The following ERI3 variants were observed in gnomAD, a reference collection of about 807,000 sequenced individuals.
ERI3 encodes the protein ERI1 exoribonuclease family member 3, also known as ERI1 exoribonuclease 3.
In ERI3, 18 loss-of-function variants were observed where a neutral mutation model predicts 44.4. The observed-to-expected ratio is 0.41, with a 90% CI of 0.28 to 0.60. ERI3 has a LOEUF of 0.60. Ranked by LOEUF, ERI3 falls within the 20% of genes least tolerant of loss-of-function variation. The probability of loss-of-function intolerance (pLI) is 0.36; values close to 1 mark genes in which losing one functional copy is unlikely to be tolerated. For missense variants in ERI3, 294 were observed against 435.5 expected, an observed-to-expected ratio of 0.68 and a Z score of 2.89; for synonymous variants, 183 against 164.8, an observed-to-expected ratio of 1.11 and a Z score of -0.84.
At chr1:44,301,067 A>C (rs1226994660) in intron 6 of ERI3, among the ~76,000 whole-genome samples, 1 of 138,058 alleles carries the variant, frequency 7.2e-6, no homozygotes, top group East Asian at 2.3e-4. Flanking sequence ...GATGGGAGGG[A>C]GGGGAGGGGC....
At chr1:44,248,971 C>T (rs1175412080) in intron 7 of ERI3, among the ~76,000 whole-genome samples, 2 of 152,120 alleles carry the variant, frequency 1.3e-5, no homozygotes, top group East Asian at 1.9e-4. Context: ...CCTTCCCTTA[C>T]AGTCCCTTTT....
chr1:44,339,159 G>A lies in ERI3; in HGVS notation c.375C>T (p.Ala125=). 1 of 1,613,982 alleles carries A rather than the reference G, an allele frequency of 6.2e-7. No individual in the cohort carries two copies. Among genetic ancestry groups the A allele is most frequent in the Non-Finnish European group, 8.5e-7 (1 of 1,179,992 alleles). The change falls in exon 3 of 9, where the codon GCC becomes GCT. Residue 125 remains alanine (A), a synonymous_variant. Transcript: ENST00000372257. ...CCGCCATGGATGCGCCAAAGCCGTGGGCCGCCAGCTTTCTGGTGGATATGG... is the reference window on the plus strand; with the variant it reads ...CCGCCATGGATGCGCCAAAGCCGTGAGCCGCCAGCTTTCTGGTGGATATGG... ...FCSISTRKLA[A]HGFGASMAAM... is the part of the protein sequence containing the mutation.
At position 44,326,175 on chromosome 1, in the gene ERI3, G is replaced by A. The variant is rs146214624; in HGVS notation, c.490-6431C>T. On this transcript the variant is annotated intron_variant, in intron 3 of 8. Transcript: ENST00000372257. ...TCCAAAAAGTGTGTGTCCCTGCACT[G>A]AAAGGTTTGATAAAATCTAAAAGCA... 1.5e-3 allele frequency among the ~76,000 whole-genome samples: 225 copies of A among 152,322 alleles called. 4 individuals are homozygous for A. In the East Asian group the frequency reaches 0.034, roughly 23 times the overall value.
intron 6 of ERI3, among the ~76,000 whole-genome samples, chr1:44,291,267 T>G (rs548757347): frequency 6.6e-6 from 1 of 152,312 alleles, no homozygotes; most frequent in African/African-American, 2.4e-5. Flanking sequence ...TATAAAAAAT[T>G]AATGCATGAG....
intron 7 of ERI3, among the ~76,000 whole-genome samples, chr1:44,251,346 C>T (rs373149517): frequency 2.0e-5 from 3 of 152,246 alleles, no homozygotes; most frequent in East Asian, 3.9e-4. Flanking sequence ...TGCCACACTT[C>T]CATTACTTGC....
intron 7 of ERI3, among the ~76,000 whole-genome samples, chr1:44,273,112 T>C (rs1645119670): frequency 6.6e-6 from 1 of 152,168 alleles, no homozygotes; most frequent in Non-Finnish European, 1.5e-5. Context: ...TCCTGATTCT[T>C]GGTTACAAAC....
rs774928844 is a variant in ERI3, at chr1:44,355,055, G to A, written c.-29C>T. ...AACGCCCCCTCCTCGGGGCCAGCGC[G>A]GCAGGCTCCCTCCAGGTGCAGGCCC... is the stretch of plus-strand genomic sequence containing the variant. On this transcript the variant is annotated 5_prime_UTR_variant, in exon 1 of 9. Transcript: ENST00000372257. 2.6e-5 allele frequency: 35 copies of A among 1,355,244 alleles called. No individual in the cohort carries two copies. The highest frequency in any genetic ancestry group is 3.5e-5 in the Admixed American group (1 of 28,770). 84.0% of individuals were successfully genotyped at this position (1,355,244 alleles called of 1,614,324 possible). A position where few individuals can be genotyped will look rare whatever the true frequency, so the allele number is the denominator to read the frequency against.
intron 6 of ERI3, among the ~76,000 whole-genome samples, chr1:44,285,109 C>G (rs920648417): frequency 2.0e-5 from 3 of 152,230 alleles, no homozygotes; most frequent in African/African-American, 7.2e-5. Context: ...GCCCTCAGAT[C>G]CAAGTGTGAG....
rs1368335140 is a variant in ERI3, at chr1:44,338,903, C to G, written c.489+142G>C. ...TACACTAGCATACCTGAAACAAGTC[C>G]TGCTTCCTAGACAGGAACTCTAAAT... is the stretch of plus-strand genomic sequence containing the variant. On this transcript the variant is annotated intron_variant, in intron 3 of 8. Coordinates refer to ENST00000372257, the MANE Select transcript of ERI3 (RefSeq NM_024066.3). The G allele has an allele frequency of 2.9e-6, 3 of 1,050,122 alleles. No homozygotes were observed. The East Asian group carries it at 7.2e-5, about 25-fold the overall frequency. The allele number at this position is 1,050,122 out of a possible 1,614,324, so 65.1% of individuals were successfully genotyped here. A position where few individuals can be genotyped will look rare whatever the true frequency, so the allele number is the denominator to read the frequency against.
intron 2 of ERI3, among the ~76,000 whole-genome samples, chr1:44,341,142 T>TTAA (rs1646644992): frequency 6.6e-6 from 1 of 152,218 alleles, no homozygotes; most frequent in South Asian, 2.1e-4. Context: ...CTATAAGCAA[T>TTAA]TAAGCATGAT....
At chr1:44,310,415 A>C (rs570260934) in intron 5 of ERI3, among the ~76,000 whole-genome samples, 1 of 152,186 alleles carries the variant, frequency 6.6e-6, no homozygotes, top group African/African-American at 2.4e-5. Context: ...ACTCTGTCTT[A>C]CTCACTGCCT....
rs180935764 is a variant in ERI3, at chr1:44,354,427, T to C, written c.135+465A>G. 2.7e-3 allele frequency: 2,629 copies of C among 985,416 alleles called. 9 individuals are homozygous for C. Among genetic ancestry groups the C allele is most frequent in the Non-Finnish European group, 3.0e-3 (2,510 of 829,930 alleles). 61.0% of individuals were successfully genotyped at this position (985,416 alleles called of 1,614,324 possible). On this transcript the variant is annotated intron_variant, in intron 1 of 8. Transcript: ENST00000372257. ...GCAGTCAAGCCTCAATCCAAGTTCA[T>C]GCTTTTTTTAAGAAAACACCTGTTG...
chr1:44,312,980 C>T lies in ERI3; in HGVS notation c.666+189G>A, dbSNP rs115657002. Among the ~76,000 whole-genome samples, 1,154 of 152,302 alleles carry T rather than the reference C, an allele frequency of 7.6e-3. 9 individuals are homozygous for T. Among genetic ancestry groups the T allele is most frequent in the African/African-American group, 0.026 (1,066 of 41,554 alleles). On this transcript the variant is annotated intron_variant, in intron 5 of 8. Coordinates refer to ENST00000372257, the MANE Select transcript of ERI3 (RefSeq NM_024066.3). ...TGGGACATCTTGTCAGAAACCCTGA[C>T]GGGAACAGCTGGAGATGACAGATCA...
intron 7 of ERI3, among the ~76,000 whole-genome samples, chr1:44,277,550 T>A (rs900530191): frequency 1.3e-5 from 2 of 152,236 alleles, no homozygotes; most frequent in Admixed American, 6.5e-5. Flanking sequence ...GTTCCTATCA[T>A]GCCACTCAGG....
intron 7 of ERI3, among the ~76,000 whole-genome samples, chr1:44,253,653 G>C (rs1644726307): frequency 6.6e-6 from 1 of 152,166 alleles, no homozygotes; most frequent in African/African-American, 2.4e-5. Context: ...AAAATGCTTA[G>C]GCAGCTTCCA....
intron 7 of ERI3, among the ~76,000 whole-genome samples, chr1:44,269,979 C>T (rs1343509215): frequency 6.6e-6 from 1 of 152,198 alleles, no homozygotes; most frequent in Non-Finnish European, 1.5e-5. Context: ...TCTATTATTA[C>T]TGATAAACAT....
intron 8 of ERI3, among the ~76,000 whole-genome samples, chr1:44,227,073 A>C (rs1011291511): frequency 6.6e-6 from 1 of 152,160 alleles, no homozygotes; most frequent in Non-Finnish European, 1.5e-5. Flanking sequence ...TGATCAAAGA[A>C]GCCAATCAAA....
intron 8 of ERI3, among the ~76,000 whole-genome samples, chr1:44,238,541 C>T (rs1644360743): frequency 6.6e-6 from 1 of 152,104 alleles, no homozygotes; most frequent in Non-Finnish European, 1.5e-5. Flanking sequence ...GAAGCATCAT[C>T]GTTGCGGAGA....
intron 1 of ERI3, chr1:44,353,374 C>T (rs867436207): frequency 1.2e-5 from 12 of 985,316 alleles, no homozygotes; most frequent in African/African-American, 1.7e-5. Flanking sequence ...AGGATAGTTC[C>T]AAGCCTGCTT....
Sources: allele counts gnomAD v4.1 joint callset (sites outside exome capture counted in the v4.1 genomes callset), GRCh38; gene constraint gnomAD v4.1.1; transcripts MANE v1.5; gene names NCBI Gene and HGNC (gene_info 2026-07-23, HGNC 2026-07-21).